Variants in NALCN observed in about 807,000 individuals in gnomAD.
The protein encoded by NALCN is sodium leak channel NALCN.
In NALCN, 111 loss-of-function variants were observed where a neutral mutation model predicts 225.3. That is an observed-to-expected ratio of 0.49 (90% CI 0.42 to 0.58). The LOEUF is 0.58. NALCN is among the 20% of genes least tolerant of loss of function. The pLI is 0.00. For synonymous variants in NALCN, 764 were observed against 769.0 expected, an observed-to-expected ratio of 0.99 and a Z score of 0.11; for missense variants, 1,378 against 2,202.4, an observed-to-expected ratio of 0.63 and a Z score of 7.49.
chr13:101,213,260 C>A (rs1288779295), intron 13 of NALCN, among the ~76,000 whole-genome samples: 4 of 152,082 alleles, frequency 2.6e-5, no homozygotes, highest in Middle Eastern at 3.2e-3. Context: ...AAAGCTGAAA[C>A]TGGATCCCTT....
At chr13:101,174,901 A>G (rs1242859708) in intron 15 of NALCN, among the ~76,000 whole-genome samples, 1 of 152,252 alleles carries the variant, frequency 6.6e-6, no homozygotes, top group Non-Finnish European at 1.5e-5. Flanking sequence ...TGACAGCTCA[A>G]TACCAGATTT....
Position 101,382,925 on chromosome 13 carries a change from G to A in NALCN, c.292-4272C>T, listed in dbSNP as rs146875222. Among the ~76,000 whole-genome samples, 683 of 152,230 alleles carry A rather than the reference G, an allele frequency of 4.5e-3. 5 individuals are homozygous for A. Among genetic ancestry groups the A allele is most frequent in the African/African-American group, 0.016 (649 of 41,526 alleles). On this transcript the variant is annotated intron_variant, in intron 3 of 43. Coordinates refer to ENST00000251127, the MANE Select transcript of NALCN (RefSeq NM_052867.4). Reference sequence around the variant, plus strand: ...ATTGACCTCTTTTTATTTTCCCAGTGAAGTATGGAAATAATCCTCTGGGCA... The same window carrying A: ...ATTGACCTCTTTTTATTTTCCCAGTAAAGTATGGAAATAATCCTCTGGGCA...
intron 28 of NALCN, among the ~76,000 whole-genome samples, chr13:101,094,812 T>C (rs914455739): frequency 1.6e-4 from 24 of 152,314 alleles, no homozygotes; most frequent in Middle Eastern, 3.4e-3. Context: ...TTAAAGAGTT[T>C]TGACATTTAG....
intron 18 of NALCN, among the ~76,000 whole-genome samples, chr13:101,113,610 T>C (rs1243396601): frequency 2.6e-5 from 4 of 152,208 alleles, no homozygotes; most frequent in African/African-American, 9.7e-5. Context: ...GGGAATACAA[T>C]GTTACTATAG....
intron 7 of NALCN, among the ~76,000 whole-genome samples, chr13:101,297,645 G>A (rs2043804638): frequency 1.3e-5 from 2 of 152,186 alleles, no homozygotes; most frequent in African/African-American, 4.8e-5. Context: ...GGAGTCTGCA[G>A]AATTAGTCCT....
intron 42 of NALCN, 45 bp from the exon 43 acceptor site, chr13:101,058,101 C>G: frequency 1.3e-6 from 2 of 1,511,150 alleles, no homozygotes; most frequent in South Asian, 1.2e-5. Flanking sequence ...TTTAACCCTG[C>G]GCTCTCCTCC....
At position 101,083,815 on chromosome 13, in the gene NALCN, A is replaced by C; in HGVS notation, c.3490-11T>G. On this transcript the variant is annotated splice_polypyrimidine_tract_variant and intron_variant, in intron 30 of 43. Transcript: ENST00000251127. ...CAGCAAAGCCGTCCCCTTAACAGAC[A>C]AAAGAAAGCAGGAAAAGGCCTTTTG... is the stretch of plus-strand genomic sequence containing the variant. 6.2e-7 allele frequency: 1 copy of C among 1,611,894 alleles called. No homozygotes were observed. The highest frequency in any genetic ancestry group is 8.5e-7 in the Non-Finnish European group (1 of 1,178,800).
intron 13 of NALCN, among the ~76,000 whole-genome samples, chr13:101,203,513 G>A (rs917158435): frequency 4.6e-5 from 7 of 152,174 alleles, no homozygotes; most frequent in African/African-American, 1.2e-4. Context: ...CACTGTGCCC[G>A]GCCCAGAATT....
intron 7 of NALCN, among the ~76,000 whole-genome samples, chr13:101,337,320 A>G (rs1027498129): frequency 3.0e-5 from 4 of 135,362 alleles, no homozygotes; most frequent in African/African-American, 5.2e-5. Flanking sequence ...TTATTTATTT[A>G]TTTTTTGAGA....
At chr13:101,320,353 T>A (rs1253692378) in intron 7 of NALCN, among the ~76,000 whole-genome samples, 1 of 152,164 alleles carries the variant, frequency 6.6e-6, no homozygotes, top group East Asian at 1.9e-4. Context: ...TTAAGCTGGA[T>A]TTTAGATTAA....
chr13:101,322,399 C>T (rs118088120), intron 7 of NALCN, among the ~76,000 whole-genome samples: 4,871 of 152,314 alleles, frequency 0.032, 136 homozygotes, highest in Non-Finnish European at 0.045. Context: ...CAGTGTATAA[C>T]TTAATCAGTA....
chr13:101,247,151 T>C (rs2041920869), intron 11 of NALCN, among the ~76,000 whole-genome samples: 1 of 152,136 alleles, frequency 6.6e-6, no homozygotes, highest in South Asian at 2.1e-4. Flanking sequence ...AGAACCTTCA[T>C]AGTGAAAAGA....
At chr13:101,269,140 T>C (rs1299578437) in intron 10 of NALCN, among the ~76,000 whole-genome samples, 3 of 151,500 alleles carry the variant, frequency 2.0e-5, no homozygotes, top group African/African-American at 4.8e-5. Context: ...GTAAGAAAAA[T>C]AAAAAATATT....
intron 7 of NALCN, among the ~76,000 whole-genome samples, chr13:101,312,920 G>A (rs1384072552): frequency 6.6e-6 from 1 of 152,130 alleles, no homozygotes. Context: ...CAAGCTACCT[G>A]ACTTCAAACT....
intron 33 of NALCN, 93 bp downstream of exon 33, chr13:101,082,716 C>CA (rs2033721239): frequency 3.8e-6 from 5 of 1,301,264 alleles, no homozygotes; most frequent in Middle Eastern, 1.9e-4. Flanking sequence ...CAATGGAACA[C>CA]AGAGAGGAGA....
intron 1 of NALCN, among the ~76,000 whole-genome samples, chr13:101,411,251 C>A (rs111434338): frequency 2.8e-4 from 43 of 151,406 alleles, no homozygotes; most frequent in African/African-American, 9.9e-4. Context: ...GAAATGCTGA[C>A]TCCCAATACC....
chr13:101,409,853 A>T (rs2047728786), intron 1 of NALCN, among the ~76,000 whole-genome samples: 1 of 152,212 alleles, frequency 6.6e-6, no homozygotes. Context: ...AGGTTCAGAA[A>T]CATTCTCAAC....
At chr13:101,123,381 T>C (rs943833863) in intron 18 of NALCN, among the ~76,000 whole-genome samples, 1 of 152,236 alleles carries the variant, frequency 6.6e-6, no homozygotes, top group Non-Finnish European at 1.5e-5. Context: ...GACCCTACCA[T>C]GAACCTGTCT....
intron 18 of NALCN, chr13:101,116,541 T>C (rs1466767089): frequency 1.9e-6 from 1 of 516,348 alleles, no homozygotes; most frequent in East Asian, 5.5e-5. Context: ...TTTGTCTCCA[T>C]GTCTTCTTTC....
Sources: gnomAD v4.1 joint callset for allele counts (sites outside exome capture counted in the v4.1 genomes callset) on GRCh38, gnomAD v4.1.1 for gene constraint, MANE v1.5 for transcripts, NCBI Gene and HGNC (gene_info 2026-07-23, HGNC 2026-07-21) for gene names.